DLG2: variants seen among roughly 807,000 people sequenced by gnomAD.
DLG2 encodes discs large MAGUK scaffold protein 2.
In DLG2, 45 loss-of-function variants were observed where a neutral mutation model predicts 132.5. The observed-to-expected ratio is 0.34, with a 90% CI of 0.27 to 0.44. The LOEUF (loss-of-function observed/expected upper bound fraction) is 0.44. Ranked by LOEUF, DLG2 falls within the 20% of genes least tolerant of loss-of-function variation. DLG2 has a pLI of 1.00. For synonymous variants in DLG2, 424 were observed against 419.6 expected, an observed-to-expected ratio of 1.01 and a Z score of -0.13; for missense variants, 1,045 against 1,196.9, an observed-to-expected ratio of 0.87 and a Z score of 1.87.
chr11:83,908,070 A>G (rs186124636), intron 15 of DLG2, among the ~76,000 whole-genome samples: 2 of 152,302 alleles, frequency 1.3e-5, no homozygotes, highest in Admixed American at 1.3e-4. Context: ...CAACATTGGC[A>G]TCTCCTGAGA....
intron 7 of DLG2, among the ~76,000 whole-genome samples, chr11:84,477,758 A>G (rs533906783): frequency 1.3e-5 from 2 of 152,208 alleles, no homozygotes; most frequent in Non-Finnish European, 2.9e-5. Context: ...GAATATGAAC[A>G]TTGTCATGTT....
At chr11:83,783,536 T>C (rs1398758766) in intron 18 of DLG2, among the ~76,000 whole-genome samples, 1 of 152,138 alleles carries the variant, frequency 6.6e-6, no homozygotes, top group Non-Finnish European at 1.5e-5. Flanking sequence ...CCTTCAACCT[T>C]TAATTACCTT....
intron 9 of DLG2, among the ~76,000 whole-genome samples, chr11:84,102,106 T>C (rs1260539817): frequency 1.3e-5 from 2 of 152,178 alleles, no homozygotes; most frequent in South Asian, 4.1e-4. Context: ...TTTGAAGATG[T>C]GGCTCAGACG....
At chr11:84,345,532 T>C (rs564316505) in intron 7 of DLG2, among the ~76,000 whole-genome samples, 1 of 152,334 alleles carries the variant, frequency 6.6e-6, no homozygotes, top group South Asian at 2.1e-4. Flanking sequence ...GGACTGATAG[T>C]GGTGGTGTAA....
At chr11:84,592,578 G>A (rs914811196) in intron 6 of DLG2, among the ~76,000 whole-genome samples, 6 of 151,692 alleles carry the variant, frequency 4.0e-5, no homozygotes, top group African/African-American at 7.3e-5. Flanking sequence ...TCTGACAAAG[G>A]GCTAATATCC....
At chr11:84,098,114 T>C (rs2097192407) in intron 10 of DLG2, among the ~76,000 whole-genome samples, 2 of 150,356 alleles carry the variant, frequency 1.3e-5, no homozygotes, top group South Asian at 4.2e-4. Context: ...AGTGGCATGA[T>C]CTCAGTTCAC....
chr11:85,109,238 A>G (rs548478462), intron 6 of DLG2, among the ~76,000 whole-genome samples: 1 of 152,082 alleles, frequency 6.6e-6, no homozygotes, highest in South Asian at 2.1e-4. Context: ...TTCAGAAAAT[A>G]TGTGTTTCAC....
intron 17 of DLG2, among the ~76,000 whole-genome samples, chr11:83,823,646 G>GTCAT (rs112028362): frequency 0.013 from 2,019 of 149,698 alleles, 44 homozygotes; most frequent in African/African-American, 0.043. Context: ...GCAAAGATGA[G>GTCAT]TCATTCATTC....
chr11:84,185,783 G>C (rs11821524), intron 8 of DLG2, among the ~76,000 whole-genome samples: 10 of 152,076 alleles, frequency 6.6e-5, no homozygotes, highest in South Asian at 2.1e-4. Flanking sequence ...TAGCATGAAG[G>C]GTTGTTGAAT....
intron 2 of DLG2, among the ~76,000 whole-genome samples, chr11:85,624,006 G>A (rs1385737743): frequency 1.3e-5 from 2 of 152,078 alleles, no homozygotes; most frequent in Non-Finnish European, 2.9e-5. Flanking sequence ...GCTCACCTGG[G>A]AGCAAATAAA....
intron 19 of DLG2, among the ~76,000 whole-genome samples, chr11:83,590,203 C>T (rs564890751): frequency 5.3e-5 from 8 of 149,898 alleles, no homozygotes; most frequent in Non-Finnish European, 9.0e-5. Context: ...TTCAGCACCA[C>T]ACCACACCTA....
intron 3 of DLG2, among the ~76,000 whole-genome samples, chr11:85,455,884 G>A (rs1437580881): frequency 2.6e-5 from 4 of 152,042 alleles, no homozygotes; most frequent in Non-Finnish European, 4.4e-5. Flanking sequence ...TGGTTATGGT[G>A]GATTAGATTT....
intron 3 of DLG2, among the ~76,000 whole-genome samples, chr11:85,565,865 T>C (rs1222525135): frequency 6.6e-6 from 1 of 152,192 alleles, no homozygotes; most frequent in Non-Finnish European, 1.5e-5. Flanking sequence ...CTTGGGTATA[T>C]ACCATGAAGT....
At chr11:84,850,749 C>A (rs2082074081) in intron 6 of DLG2, among the ~76,000 whole-genome samples, 1 of 151,970 alleles carries the variant, frequency 6.6e-6, no homozygotes, top group African/African-American at 2.4e-5. Flanking sequence ...TATACACTAA[C>A]AATGAATAAT....
chr11:84,687,967 A>G (rs1338979175), intron 6 of DLG2, among the ~76,000 whole-genome samples: 2 of 152,206 alleles, frequency 1.3e-5, no homozygotes, highest in Non-Finnish European at 2.9e-5. Context: ...ACTGAACTTC[A>G]TAGAAGTAGC....
intron 6 of DLG2, among the ~76,000 whole-genome samples, chr11:84,579,690 G>C (rs899408162): frequency 2.6e-5 from 4 of 152,176 alleles, no homozygotes; most frequent in African/African-American, 4.8e-5. Flanking sequence ...ATATGCTGAG[G>C]AGTTTAGAGT....
intron 6 of DLG2, among the ~76,000 whole-genome samples, chr11:85,014,771 A>G (rs1209961247): frequency 6.6e-6 from 1 of 152,114 alleles, no homozygotes; most frequent in Admixed American, 6.6e-5. Flanking sequence ...GGTTCTACAA[A>G]TGGTCCTTTC....
chr11:84,950,311 G>A (rs1359383292), intron 6 of DLG2, among the ~76,000 whole-genome samples: 1 of 152,064 alleles, frequency 6.6e-6, no homozygotes, highest in Non-Finnish European at 1.5e-5. Flanking sequence ...GGCTGTCTGT[G>A]GGTGTTATCT....
chr11:85,139,083 G>A (rs1211466278), intron 5 of DLG2, among the ~76,000 whole-genome samples: 1 of 151,906 alleles, frequency 6.6e-6, no homozygotes, highest in Non-Finnish European at 1.5e-5. Flanking sequence ...TTCCCAAACT[G>A]ATTTCCCCTA....
Sources: gnomAD v4.1 joint callset for allele counts (sites outside exome capture counted in the v4.1 genomes callset) on GRCh38, gnomAD v4.1.1 for gene constraint, MANE v1.5 for transcripts, NCBI Gene and HGNC (gene_info 2026-07-23, HGNC 2026-07-21) for gene names.